VAC14: variants seen among roughly 807,000 people sequenced by gnomAD.
VAC14 encodes VAC14 component of PIKFYVE complex.
In VAC14, 47 loss-of-function variants were observed where a neutral mutation model predicts 85.3. That is an observed-to-expected ratio of 0.55 (90% CI 0.44 to 0.70). VAC14 has a LOEUF of 0.70. VAC14 is among the 30% of genes least tolerant of loss of function. The pLI is 0.00. For missense variants in VAC14, 861 were observed against 1,004.3 expected (o/e 0.86, Z 1.93); for synonymous variants, 447 against 430.5 (o/e 1.04, Z -0.47).
intron 15 of VAC14, among the ~76,000 whole-genome samples, chr16:70,697,938 G>C (rs570493749): frequency 6.6e-6 from 1 of 152,230 alleles, no homozygotes; most frequent in East Asian, 1.9e-4. Context: ...AACCCCTGGA[G>C]TCCCTGCCTC....
At chr16:70,766,994 G>C (rs1463757096) in intron 10 of VAC14, among the ~76,000 whole-genome samples, 1 of 152,214 alleles carries the variant, frequency 6.6e-6, no homozygotes, top group Non-Finnish European at 1.5e-5. Flanking sequence ...ATCAAGAACA[G>C]AGGGAGCTCA....
chr16:70,772,251 C>T, intron 9 of VAC14, 79 bp from the exon 10 acceptor site: 17 of 1,260,784 alleles, frequency 1.3e-5, no homozygotes, highest in Non-Finnish European at 2.0e-5. Flanking sequence ...GACAAGCACA[C>T]ACAGAACTCT....
rs1261502799 is a variant in VAC14 at position 70,785,722 on chromosome 16, G to A, written c.403C>T (p.Leu135Phe). 1.3e-6 allele frequency: 2 copies of A among 1,564,224 alleles called. No individual in the cohort carries two copies. The highest frequency in any genetic ancestry group is 2.7e-5 in the African/African-American group (2 of 73,958). Reference sequence around the variant, plus strand: ...GTTACCTTGCTCAGCCCGTCAAAGAGCACGTTGAAGTGGGGCAGCACAGCG... The same window carrying A: ...GTTACCTTGCTCAGCCCGTCAAAGAACACGTTGAAGTGGGGCAGCACAGCG... ...RGAVLPHFNVLFDGLSKLAAD... is the reference protein window; with the variant it reads ...RGAVLPHFNVFFDGLSKLAAD... Residue 135 changes from leucine to phenylalanine, a missense_variant, in exon 3 of 19, where the codon CTC becomes TTC. Around this residue, in one of 3 missense-constraint regions of VAC14, gnomAD observed 629 missense variants for 703.1 expected, o/e 0.89. Coordinates refer to ENST00000261776, the MANE Select transcript of VAC14 (RefSeq NM_018052.5).
At chr16:70,763,070 A>T in intron 10 of VAC14, 45 bp from the exon 11 acceptor site, 1 of 1,612,430 alleles carries the variant, frequency 6.2e-7, no homozygotes, top group Non-Finnish European at 8.5e-7. Flanking sequence ...AGCCCACCAT[A>T]GCCCTCTCCC....
intron 12 of VAC14, among the ~76,000 whole-genome samples, chr16:70,749,560 G>A (rs2031206080): frequency 1.3e-5 from 2 of 152,250 alleles, no homozygotes; most frequent in African/African-American, 4.8e-5. Context: ...GTGTGCGCTT[G>A]TGCGCACAGA....
chr16:70,699,285 G>A (rs1417940273), intron 14 of VAC14: 1 of 187,812 alleles, frequency 5.3e-6, no homozygotes, highest in Non-Finnish European at 1.1e-5. Flanking sequence ...TCCTCCTCCT[G>A]GAAGCCCCCG....
chr16:70,711,014 A>G (rs927047788), intron 14 of VAC14, among the ~76,000 whole-genome samples: 1 of 152,156 alleles, frequency 6.6e-6, no homozygotes, highest in African/African-American at 2.4e-5. Context: ...CGCCATGCGC[A>G]TGGCTTCAGC....
rs2033773535 is a variant in VAC14, at chr16:70,780,821, A to G, written c.1065T>C (p.Asp355=). ...GQRQAEPTPD[D]ALPKQEGTAS... ...CTGTGCCCTCCTGCTTTGGCAGGGCATCGTCAGGGGTGGGCTCTGCCTGCC... is the reference window on the plus strand; with the variant it reads ...CTGTGCCCTCCTGCTTTGGCAGGGCGTCGTCAGGGGTGGGCTCTGCCTGCC... The change falls in exon 9 of 19, where the codon GAT becomes GAC. Residue 355 remains aspartate, a synonymous_variant. Coordinates refer to ENST00000261776, the MANE Select transcript of VAC14 (RefSeq NM_018052.5). 2.5e-6 allele frequency: 4 copies of G among 1,610,116 alleles called. No homozygotes were observed. The highest frequency in any genetic ancestry group is 1.3e-5 in the African/African-American group (1 of 74,980).
rs772062648 is a variant in VAC14, at chr16:70,785,693, G to A, written c.423+9C>T. The A allele has an allele frequency of 7.1e-6, 11 of 1,549,896 alleles. No homozygotes were observed. The highest frequency in any genetic ancestry group is 8.7e-6 in the Non-Finnish European group (10 of 1,145,644). ...GCAGCTCAGTGAGGAGGAGGAGGAG[G>A]GCGGTTACCTTGCTCAGCCCGTCAA... On this transcript the variant is annotated intron_variant, in intron 3 of 18. Transcript: ENST00000261776.
At position 70,763,038 on chromosome 16, in the gene VAC14, T is replaced by C; in HGVS notation, c.1161-13A>G. ...GGCTCTTTCAGTGCTGTGGGTAAGA[T>C]CGGGAGGGAGAGCAGAGGTGAAGCC... is the stretch of plus-strand genomic sequence containing the variant. On this transcript the variant is annotated splice_polypyrimidine_tract_variant and intron_variant, in intron 10 of 18. Transcript: ENST00000261776. The C allele has an allele frequency of 6.2e-7, 1 of 1,614,076 alleles. No homozygotes were observed. Among genetic ancestry groups the C allele is most frequent in the Admixed American group, 1.7e-5 (1 of 60,024 alleles).
chr16:70,774,785 C>A (rs1205443333), intron 9 of VAC14, among the ~76,000 whole-genome samples: 3 of 144,060 alleles, frequency 2.1e-5, no homozygotes, highest in African/African-American at 8.3e-5. Flanking sequence ...ACTCTGTCAC[C>A]CAGGATGAAG....
intron 9 of VAC14, among the ~76,000 whole-genome samples, chr16:70,779,892 T>C (rs1316971144): frequency 6.6e-6 from 1 of 151,974 alleles, no homozygotes; most frequent in Non-Finnish European, 1.5e-5. Context: ...TGGAATACAG[T>C]GGTGTGATCA....
chr16:70,781,352 T>C (rs942347096), intron 8 of VAC14, among the ~76,000 whole-genome samples: 3 of 152,158 alleles, frequency 2.0e-5, no homozygotes, highest in African/African-American at 7.2e-5. Flanking sequence ...CAGCCTCAGG[T>C]ATTCCTTTAT....
In VAC14 at chr16:70,781,875, T is replaced by C. The variant is rs1272252778; in HGVS notation, c.940A>G (p.Lys314Glu). Residue 314 changes from lysine (K) to glutamate (E), a missense_variant, in exon 8 of 19, where the codon AAG becomes GAG. Around this residue, in one of 3 missense-constraint regions of VAC14, gnomAD observed 629 missense variants for 703.1 expected, o/e 0.89. Coordinates refer to ENST00000261776, the MANE Select transcript of VAC14 (RefSeq NM_018052.5). ...VLPCLAYDDR[K>E]KSIKEVANVC... ...CTCCCAAAGCAAAGGATACTTTTCTTGCGGTCATCGTAGGCCAAGCAGGGC... is the reference window on the plus strand; with the variant it reads ...CTCCCAAAGCAAAGGATACTTTTCTCGCGGTCATCGTAGGCCAAGCAGGGC... 1 of 1,613,984 alleles carries C rather than the reference T, an allele frequency of 6.2e-7. No individual in the cohort carries two copies. Among genetic ancestry groups the C allele is most frequent in the Non-Finnish European group, 8.5e-7 (1 of 1,179,952 alleles).
chr16:70,712,442 A>AT (rs2054054846), intron 14 of VAC14, among the ~76,000 whole-genome samples: 1 of 152,064 alleles, frequency 6.6e-6, no homozygotes. Context: ...ATACTGGGAT[A>AT]TGGCAGCCTC....
intron 17 of VAC14, 88 bp from the exon 18 acceptor site, chr16:70,693,059 C>G: frequency 6.7e-7 from 1 of 1,482,772 alleles, no homozygotes; most frequent in Non-Finnish European, 9.0e-7. Flanking sequence ...CTGGCCAGGA[C>G]CACCTGGGAC....
At chr16:70,745,856 G>C (rs896894773) in intron 12 of VAC14, among the ~76,000 whole-genome samples, 1 of 152,180 alleles carries the variant, frequency 6.6e-6, no homozygotes, top group Non-Finnish European at 1.5e-5. Context: ...GGGAAAGTGG[G>C]ACAGAGCCTG....
chr16:70,785,272 C>T (rs1375921796), intron 3 of VAC14, among the ~76,000 whole-genome samples: 1 of 152,214 alleles, frequency 6.6e-6, no homozygotes, highest in African/African-American at 2.4e-5. Flanking sequence ...GGCTGCTCCG[C>T]GCCTGGGAAG....
At chr16:70,750,142 A>T (rs1173250912) in intron 12 of VAC14, among the ~76,000 whole-genome samples, 1 of 152,128 alleles carries the variant, frequency 6.6e-6, no homozygotes, top group Non-Finnish European at 1.5e-5. Flanking sequence ...AAGGCCCGAG[A>T]GCTAAAGACA....
Sources: gnomAD v4.1 joint callset for allele counts (sites outside exome capture counted in the v4.1 genomes callset) on GRCh38, gnomAD v4.1.1 for gene constraint, gnomAD v4.1.1 regional missense constraint, MANE v1.5 for transcripts, NCBI Gene and HGNC (gene_info 2026-07-23, HGNC 2026-07-21) for gene names.